The following SUMF1 variants were observed in gnomAD, a reference collection of about 807,000 sequenced individuals.
SUMF1 encodes the protein sulfatase modifying factor 1.
A neutral mutation model predicts 47.6 loss-of-function variants in SUMF1; 48 were observed. That is an observed-to-expected ratio of 1.01 (90% confidence interval 0.80 to 1.28). The LOEUF (loss-of-function observed/expected upper bound fraction) is 1.28. Among genes scored for constraint, SUMF1 ranks in the 50% most tolerant of loss-of-function variants. The pLI is 0.00. For synonymous variants in SUMF1, 230 were observed against 192.1 expected, an observed-to-expected ratio of 1.20 and a Z score of -1.63; for missense variants, 571 against 485.4, an observed-to-expected ratio of 1.18 and a Z score of -1.66.
intron 8 of SUMF1, among the ~76,000 whole-genome samples, chr3:4,172,909 T>C (rs1161625239): frequency 6.6e-6 from 1 of 152,240 alleles, no homozygotes; most frequent in African/African-American, 2.4e-5. Context: ...TTTGGCATTT[T>C]AGTCATGAAG....
chr3:4,450,004 A>G (rs1702915638), intron 2 of SUMF1, among the ~76,000 whole-genome samples: 1 of 152,174 alleles, frequency 6.6e-6, no homozygotes, highest in Admixed American at 6.5e-5. Flanking sequence ...CTCTTGTTTC[A>G]GCCACTGAAA....
chr3:4,284,618 C>T (rs1234610600), intron 8 of SUMF1, among the ~76,000 whole-genome samples: 2 of 151,888 alleles, frequency 1.3e-5, no homozygotes, highest in African/African-American at 2.4e-5. Flanking sequence ...TATTTTACTC[C>T]AGTGTGATAT....
intron 1 of SUMF1, among the ~76,000 whole-genome samples, chr3:4,466,079 C>T (rs1313482699): frequency 6.6e-6 from 1 of 152,032 alleles, no homozygotes; most frequent in Admixed American, 6.5e-5. Context: ...TGCAAAATAC[C>T]GGGCAGACAG....
At chr3:4,110,372 G>A (rs1228363663) in intron 8 of SUMF1, among the ~76,000 whole-genome samples, 2 of 152,110 alleles carry the variant, frequency 1.3e-5, no homozygotes, top group Non-Finnish European at 2.9e-5. Flanking sequence ...TTGGGGGTCA[G>A]GGACCCACTT....
chr3:4,460,482 C>T (rs951094955), intron 1 of SUMF1, among the ~76,000 whole-genome samples: 1 of 151,808 alleles, frequency 6.6e-6, no homozygotes. Flanking sequence ...GTCTTTCACC[C>T]GCATTTCCAT....
chr3:4,184,842 G>A (rs1695168261), intron 8 of SUMF1, among the ~76,000 whole-genome samples: 1 of 152,010 alleles, frequency 6.6e-6, no homozygotes, highest in Non-Finnish European at 1.5e-5. Context: ...AGAGATGGGG[G>A]TTTTGCCTTG....
chr3:4,415,317 T>A (rs925215036), intron 6 of SUMF1, among the ~76,000 whole-genome samples: 10 of 151,806 alleles, frequency 6.6e-5, no homozygotes, highest in African/African-American at 2.4e-4. Flanking sequence ...ATCACCTGTG[T>A]CTTTGGAATG....
At chr3:4,455,593 T>C (rs1703133920) in intron 1 of SUMF1, among the ~76,000 whole-genome samples, 3 of 152,240 alleles carry the variant, frequency 2.0e-5, no homozygotes, top group Middle Eastern at 6.8e-3. Flanking sequence ...GGCACACGCC[T>C]GTAATCCCAG....
intron 8 of SUMF1, among the ~76,000 whole-genome samples, chr3:4,265,891 T>G (rs1697183766): frequency 6.6e-6 from 1 of 152,130 alleles, no homozygotes; most frequent in South Asian, 2.1e-4. Flanking sequence ...TAATCCATCT[T>G]GAATTGATTT....
chr3:4,203,908 T>G (rs1695594167), intron 8 of SUMF1, among the ~76,000 whole-genome samples: 1 of 151,998 alleles, frequency 6.6e-6, no homozygotes, highest in African/African-American at 2.4e-5. Context: ...CTTTTTAACT[T>G]TTTGATATCT....
chr3:4,466,935 C>G (rs766853955), intron 1 of SUMF1, 41 bp downstream of exon 1: 1 of 1,598,526 alleles, frequency 6.3e-7, no homozygotes, highest in Non-Finnish European at 8.5e-7. Context: ...CGTCCAGGAA[C>G]CGAGCAGCCC....
At chr3:4,411,693 G>T (rs888960562) in intron 6 of SUMF1, among the ~76,000 whole-genome samples, 7 of 144,040 alleles carry the variant, frequency 4.9e-5, no homozygotes, top group Middle Eastern at 3.4e-3. Context: ...ATAAAAGGGG[G>T]GAGAGCAGGA....
intron 8 of SUMF1, among the ~76,000 whole-genome samples, chr3:4,282,779 A>G (rs1697555786): frequency 6.6e-6 from 1 of 152,146 alleles, no homozygotes; most frequent in Non-Finnish European, 1.5e-5. Context: ...CGTCAATCAC[A>G]TGTTCCTTTC....
At chr3:4,227,621 C>T (rs1003297739) in intron 8 of SUMF1, among the ~76,000 whole-genome samples, 2 of 152,080 alleles carry the variant, frequency 1.3e-5, no homozygotes, top group Non-Finnish European at 2.9e-5. Context: ...CTAGCCAGAC[C>T]AGAAAAGAGA....
At chr3:4,261,850 G>T (rs1697094051) in intron 8 of SUMF1, among the ~76,000 whole-genome samples, 1 of 152,216 alleles carries the variant, frequency 6.6e-6, no homozygotes, top group Admixed American at 6.5e-5. Context: ...CTGATGTACG[G>T]AGTCAGGTGG....
chr3:4,148,313 AT>A (rs1694242058), intron 8 of SUMF1, among the ~76,000 whole-genome samples: 1 of 152,148 alleles, frequency 6.6e-6, no homozygotes, highest in South Asian at 2.1e-4. Flanking sequence ...CAGTTTTCAT[AT>A]AGTTACAAGT....
At chr3:4,252,332 C>T (rs142270713) in intron 8 of SUMF1, among the ~76,000 whole-genome samples, 57 of 147,980 alleles carry the variant, frequency 3.9e-4, no homozygotes, top group African/African-American at 9.7e-4. Context: ...ATTTTGGATT[C>T]GCTCCAAATA....
At chr3:4,400,863 G>T (rs186517533) in intron 7 of SUMF1, among the ~76,000 whole-genome samples, 1 of 151,986 alleles carries the variant, frequency 6.6e-6, no homozygotes, top group Non-Finnish European at 1.5e-5. Flanking sequence ...TGTGCACAAC[G>T]TGCAGTTTTG....
chr3:4,296,230 T>A (rs1267684432), intron 8 of SUMF1, among the ~76,000 whole-genome samples: 3 of 151,858 alleles, frequency 2.0e-5, no homozygotes, highest in African/African-American at 4.8e-5. Context: ...TACTACTGTT[T>A]GATGTTATAA....
Sources: gnomAD v4.1 joint callset for allele counts (sites outside exome capture counted in the v4.1 genomes callset) on GRCh38, gnomAD v4.1.1 for gene constraint, MANE v1.5 for transcripts, NCBI Gene and HGNC (gene_info 2026-07-23, HGNC 2026-07-21) for gene names.